The following IQGAP2 variants were observed in gnomAD, a reference collection of about 807,000 sequenced individuals.
The protein encoded by IQGAP2 is IQ motif containing GTPase activating protein 2.
Under a neutral mutation model 201.3 loss-of-function variants are expected in IQGAP2, and 173 were observed. The observed-to-expected ratio is 0.86, with a 90% confidence interval of 0.76 to 0.98. The LOEUF (loss-of-function observed/expected upper bound fraction) is 0.98. Among genes scored for constraint, IQGAP2 ranks in the 50% least tolerant of loss-of-function variants. The probability of loss-of-function intolerance (pLI) is 0.00; values close to 1 mark genes in which losing one functional copy is unlikely to be tolerated. For synonymous variants in IQGAP2, 675 were observed against 673.9 expected, an observed-to-expected ratio of 1.00 and a Z score of -0.03; for missense variants, 1,687 against 1,864.8, an observed-to-expected ratio of 0.90 and a Z score of 1.76.
At chr5:76,670,549 G>A (rs1464613841) in intron 23 of IQGAP2, among the ~76,000 whole-genome samples, 1 of 152,060 alleles carries the variant, frequency 6.6e-6, no homozygotes, top group African/African-American at 2.4e-5. Flanking sequence ...ATTTAAAGGT[G>A]GGAAGAGGAG....
At chr5:76,638,136 T>G (rs1751289878) in intron 16 of IQGAP2, among the ~76,000 whole-genome samples, 1 of 152,226 alleles carries the variant, frequency 6.6e-6, no homozygotes, top group South Asian at 2.1e-4. Context: ...TGTTTCTCTT[T>G]TTGGGGGAAC....
intron 12 of IQGAP2, among the ~76,000 whole-genome samples, chr5:76,609,841 ATG>A (rs34776267): frequency 0.3 from 43,877 of 144,846 alleles, 7,484 homozygotes; most frequent in East Asian, 0.47. Flanking sequence ...TTATATATAT[ATG>A]TGTGTGTGTG....
At chr5:76,599,851 GA>G (rs1417564667) in intron 10 of IQGAP2, among the ~76,000 whole-genome samples, 3 of 152,040 alleles carry the variant, frequency 2.0e-5, no homozygotes, top group East Asian at 3.9e-4. Context: ...TCAATATGAT[GA>G]AAAAAATATT....
intron 9 of IQGAP2, chr5:76,597,185 A>AAT (rs1747091059): frequency 9.1e-6 from 4 of 438,458 alleles, no homozygotes; most frequent in Non-Finnish European, 1.6e-5. Flanking sequence ...GAAGGAAGTC[A>AAT]TGCTACTCAG....
chr5:76,497,727 G>A (rs999419788), intron 2 of IQGAP2, among the ~76,000 whole-genome samples: 1 of 152,180 alleles, frequency 6.6e-6, no homozygotes, highest in Non-Finnish European at 1.5e-5. Flanking sequence ...TATTGCAAAC[G>A]ACAAAGTGAG....
At chr5:76,532,466 T>C (rs886908747) in intron 2 of IQGAP2, among the ~76,000 whole-genome samples, 4 of 140,808 alleles carry the variant, frequency 2.8e-5, no homozygotes, top group Admixed American at 2.8e-4. Context: ...TTTGCCATGC[T>C]TTCCTGAGGA....
chr5:76,503,985 G>A (rs1757445937), intron 2 of IQGAP2, among the ~76,000 whole-genome samples: 1 of 152,196 alleles, frequency 6.6e-6, no homozygotes, highest in South Asian at 2.1e-4. Flanking sequence ...TATCTACCTA[G>A]AATCTTGTGT....
chr5:76,411,931 T>G (rs1751142144), intron 1 of IQGAP2, among the ~76,000 whole-genome samples: 1 of 152,202 alleles, frequency 6.6e-6, no homozygotes, highest in African/African-American at 2.4e-5. Context: ...GAAAGGGAAC[T>G]CTAAGCCTGG....
chr5:76,591,211 C>G (rs762288812), intron 8 of IQGAP2, among the ~76,000 whole-genome samples: 1 of 152,176 alleles, frequency 6.6e-6, no homozygotes. Flanking sequence ...ATGATCATCC[C>G]TTGTTAGACA....
chr5:76,497,920 G>T (rs1379429585), intron 2 of IQGAP2, among the ~76,000 whole-genome samples: 1 of 152,178 alleles, frequency 6.6e-6, no homozygotes, highest in African/African-American at 2.4e-5. Context: ...TATGGCCCTT[G>T]AAGTGGGGAG....
chr5:76,496,737 C>CT (rs1561416218), intron 2 of IQGAP2, among the ~76,000 whole-genome samples: 18 of 42,404 alleles, frequency 4.2e-4, no homozygotes, highest in African/African-American at 2.0e-3. Flanking sequence ...TTCTTTCTTT[C>CT]TTTCTTTCTT....
chr5:76,586,948 C>G (rs757722501), intron 5 of IQGAP2, among the ~76,000 whole-genome samples: 26 of 152,212 alleles, frequency 1.7e-4, no homozygotes, highest in Non-Finnish European at 3.4e-4. Flanking sequence ...TCTATAGTAA[C>G]AGCTGTACTG....
At chr5:76,452,226 CTTTTCTTTTTTTTTTTTT>C (rs1753804577) in intron 1 of IQGAP2, among the ~76,000 whole-genome samples, 4 of 145,574 alleles carry the variant, frequency 2.7e-5, no homozygotes, top group Admixed American at 2.7e-4. Context: ...TTGTTTTTTT[CTTTTCTTTTTTTTTTTTT>C]GTTTGTTTTT....
intron 2 of IQGAP2, among the ~76,000 whole-genome samples, chr5:76,492,393 G>A (rs1395682377): frequency 2.0e-5 from 3 of 152,336 alleles, no homozygotes; most frequent in African/African-American, 7.2e-5. Flanking sequence ...AAAGGGAAAG[G>A]TAGCACTGGG....
At chr5:76,490,442 C>T (rs1756467671) in intron 2 of IQGAP2, among the ~76,000 whole-genome samples, 1 of 152,096 alleles carries the variant, frequency 6.6e-6, no homozygotes, top group African/African-American at 2.4e-5. Context: ...TTATGAACTA[C>T]CTTAAGGCAT....
At chr5:76,463,216 C>G (rs1013889269) in intron 2 of IQGAP2, among the ~76,000 whole-genome samples, 4 of 147,802 alleles carry the variant, frequency 2.7e-5, no homozygotes, top group Admixed American at 6.7e-5. Context: ...AGTAGAAAAA[C>G]TTACTTTTCT....
chr5:76,671,150 A>AC (rs1744272216), intron 23 of IQGAP2, among the ~76,000 whole-genome samples: 1 of 152,064 alleles, frequency 6.6e-6, no homozygotes, highest in African/African-American at 2.4e-5. Context: ...AATCCGAGCT[A>AC]CTCAGGAGGC....
At chr5:76,640,432 C>A (rs1751478713) in intron 16 of IQGAP2, among the ~76,000 whole-genome samples, 1 of 152,184 alleles carries the variant, frequency 6.6e-6, no homozygotes, top group Non-Finnish European at 1.5e-5. Flanking sequence ...GCCTCTCCCA[C>A]CCCTTTGTCT....
chr5:76,580,431 T>TA (rs1745766101), intron 5 of IQGAP2, among the ~76,000 whole-genome samples: 1 of 151,944 alleles, frequency 6.6e-6, no homozygotes, highest in East Asian at 1.9e-4. Context: ...AGACTCCGTC[T>TA]CAAAGAACAA....
Sources: gnomAD v4.1 joint callset for allele counts (sites outside exome capture counted in the v4.1 genomes callset) on GRCh38, gnomAD v4.1.1 for gene constraint, MANE v1.5 for transcripts, NCBI Gene and HGNC (gene_info 2026-07-23, HGNC 2026-07-21) for gene names.